APBB2: variants seen among roughly 807,000 people sequenced by gnomAD.
APBB2 encodes the protein amyloid beta precursor protein binding family B member 2.
In APBB2, 38 loss-of-function variants were observed where a neutral mutation model predicts 82.5. The observed-to-expected ratio is 0.46, with a 90% CI of 0.36 to 0.60. APBB2 has a LOEUF of 0.60. Among genes scored for constraint, APBB2 ranks in the 20% least tolerant of loss-of-function variants. APBB2 has a pLI of 0.00. For missense variants in APBB2, 772 were observed against 972.3 expected, an observed-to-expected ratio of 0.79 and a Z score of 2.74; for synonymous variants, 341 against 368.2, an observed-to-expected ratio of 0.93 and a Z score of 0.85.
chr4:40,851,735 TA>T (rs1259489611), intron 12 of APBB2, among the ~76,000 whole-genome samples: 732 of 29,060 alleles, frequency 0.025, 9 homozygotes, highest in African/African-American at 0.087. Context: ...TATATATATA[TA>T]TATTTTTTTT....
At chr4:41,176,771 AGCTTATTTC>A (rs1769903400) in intron 1 of APBB2, among the ~76,000 whole-genome samples, 1 of 152,210 alleles carries the variant, frequency 6.6e-6, no homozygotes, top group Non-Finnish European at 1.5e-5. Flanking sequence ...AACACAAGAC[AGCTTATTTC>A]ATAAAGCATT....
chr4:40,836,341 G>A (rs570764749), intron 12 of APBB2, among the ~76,000 whole-genome samples: 1 of 152,296 alleles, frequency 6.6e-6, no homozygotes, highest in African/African-American at 2.4e-5. Flanking sequence ...GGCGGGTGCG[G>A]TAGTGTGCAC....
At chr4:41,078,239 A>C (rs116229991) in intron 3 of APBB2, among the ~76,000 whole-genome samples, 203 of 152,342 alleles carry the variant, frequency 1.3e-3, no homozygotes, top group African/African-American at 4.7e-3. Context: ...CAATATAAAC[A>C]TATTAATTTG....
chr4:41,116,975 C>A (rs903447442), intron 2 of APBB2, among the ~76,000 whole-genome samples: 3 of 152,136 alleles, frequency 2.0e-5, no homozygotes, highest in African/African-American at 7.2e-5. Flanking sequence ...GTCTCTCAAC[C>A]TGGTGTTTTA....
chr4:40,818,230 T>A (rs550264147), intron 17 of APBB2, among the ~76,000 whole-genome samples: 2 of 152,302 alleles, frequency 1.3e-5, no homozygotes, highest in South Asian at 4.1e-4. Context: ...CTAGAAACAC[T>A]GGATTCAGAG....
chr4:41,206,730 T>A (rs980060911), intron 1 of APBB2, among the ~76,000 whole-genome samples: 8 of 152,190 alleles, frequency 5.3e-5, no homozygotes, highest in Admixed American at 4.6e-4. Context: ...ATGAAACAAC[T>A]CAAGAAACCT....
chr4:40,951,609 GT>G (rs1231342467), intron 6 of APBB2, among the ~76,000 whole-genome samples: 7 of 152,232 alleles, frequency 4.6e-5, no homozygotes, highest in Admixed American at 4.6e-4. Flanking sequence ...CCTTGGACAA[GT>G]TCCTCAACCT....
At chr4:41,003,341 T>C (rs1805752405) in intron 6 of APBB2, among the ~76,000 whole-genome samples, 1 of 152,184 alleles carries the variant, frequency 6.6e-6, no homozygotes, top group Non-Finnish European at 1.5e-5. Flanking sequence ...ATTTTGAATA[T>C]AATTCTCGCA....
chr4:40,954,219 T>C (rs1189478748), intron 6 of APBB2, among the ~76,000 whole-genome samples: 1 of 152,214 alleles, frequency 6.6e-6, no homozygotes, highest in African/African-American at 2.4e-5. Context: ...TTTCCTCTCC[T>C]GCTGCGGAGG....
chr4:41,137,348 G>A (rs1757866816), intron 2 of APBB2, among the ~76,000 whole-genome samples: 1 of 151,996 alleles, frequency 6.6e-6, no homozygotes, highest in South Asian at 2.1e-4. Context: ...TGCAGAACAG[G>A]TATAAAAATG....
At chr4:40,840,669 T>C (rs1211038586) in intron 12 of APBB2, among the ~76,000 whole-genome samples, 2 of 152,152 alleles carry the variant, frequency 1.3e-5, no homozygotes, top group Non-Finnish European at 2.9e-5. Flanking sequence ...GTCACCTGGG[T>C]AAACACACAG....
rs933428078 is a variant in APBB2 at position 40,811,613 on chromosome 4, T to G, written c.*4479A>C. The G allele has an allele frequency of 4.0e-5, 6 of 151,892 alleles. No homozygotes were observed. Among genetic ancestry groups the G allele is most frequent in the South Asian group, 2.1e-4 (1 of 4,824 alleles). 9.4% of individuals were successfully genotyped at this position (151,892 alleles called of 1,614,324 possible). A position where few individuals can be genotyped will look rare whatever the true frequency, so the allele number is the denominator to read the frequency against. On this transcript the variant is annotated 3_prime_UTR_variant, in exon 18 of 18. Transcript: ENST00000508593. Reference sequence around the variant, plus strand: ...ATATTGATTCCACTGACATGTTTCATTTGGCATTTTACATTCTTGGACTTC... The same window carrying G: ...ATATTGATTCCACTGACATGTTTCAGTTGGCATTTTACATTCTTGGACTTC...
intron 7 of APBB2, chr4:40,935,657 T>G (rs1328486439): frequency 1.3e-5 from 2 of 152,476 alleles, no homozygotes; most frequent in African/African-American, 2.4e-5. Flanking sequence ...GAGAGAGGGT[T>G]AGTGAAGAAC....
chr4:40,892,582 G>A (rs527746323), intron 11 of APBB2: 2 of 152,336 alleles, frequency 1.3e-5, no homozygotes, highest in East Asian at 3.9e-4. Context: ...ATCTATTCAT[G>A]TAGCAAACAC....
At chr4:41,037,427 T>C (rs913199450) in intron 4 of APBB2, among the ~76,000 whole-genome samples, 2 of 152,220 alleles carry the variant, frequency 1.3e-5, no homozygotes, top group Non-Finnish European at 1.5e-5. Context: ...CTGGAATACA[T>C]AGCGTATATT....
At chr4:41,209,044 G>A (rs922807082) in intron 1 of APBB2, among the ~76,000 whole-genome samples, 3 of 152,096 alleles carry the variant, frequency 2.0e-5, no homozygotes, top group Non-Finnish European at 4.4e-5. Context: ...TTCCTGCCCA[G>A]TTGTGTGACT....
intron 6 of APBB2, among the ~76,000 whole-genome samples, chr4:40,962,480 T>C (rs1793544819): frequency 6.6e-6 from 1 of 152,218 alleles, no homozygotes; most frequent in Non-Finnish European, 1.5e-5. Flanking sequence ...ATCGATGCTA[T>C]TAATCACAAA....
chr4:40,860,931 C>T lies in APBB2; in HGVS notation c.1529+29433G>A, dbSNP rs1303372566. On this transcript the variant is annotated intron_variant, in intron 12 of 17. Coordinates refer to ENST00000508593, the MANE Select transcript of APBB2 (RefSeq NM_004307.2). ...TCCCATGAGGCCTTTCCCTACTTCC[C>T]GAGGGCTCGTCACCCTTGCCTTTGT... Among the ~76,000 whole-genome samples, 5 of 152,166 alleles carry T rather than the reference C, an allele frequency of 3.3e-5. No homozygotes were observed. In the East Asian group the frequency reaches 5.8e-4, roughly 18 times the overall value.
intron 1 of APBB2, among the ~76,000 whole-genome samples, chr4:41,183,852 G>A (rs763503920): frequency 2.6e-5 from 4 of 151,654 alleles, no homozygotes; most frequent in South Asian, 4.2e-4. Flanking sequence ...GGGAGGGGGC[G>A]GTTCATGATG....
Sources: allele counts gnomAD v4.1 joint callset (sites outside exome capture counted in the v4.1 genomes callset), GRCh38; gene constraint gnomAD v4.1.1; transcripts MANE v1.5; gene names NCBI Gene and HGNC (gene_info 2026-07-23, HGNC 2026-07-21).